Variants in CSMD1 observed in about 807,000 individuals in gnomAD.
CSMD1 encodes the protein CUB and Sushi multiple domains 1.
A neutral mutation model predicts 417.5 loss-of-function variants in CSMD1; 213 were observed. The observed-to-expected ratio is 0.51, with a 90% CI of 0.46 to 0.57. CSMD1 has a LOEUF of 0.57. Ranked by LOEUF, CSMD1 falls within the 20% of genes least tolerant of loss-of-function variation. The pLI, the probability that CSMD1 is intolerant of heterozygous loss-of-function variation, is 0.00. For missense variants in CSMD1, 6,923 were observed against 4,529.7 expected (o/e 1.53, Z -15.17); for synonymous variants, 2,862 against 1,736.8 (o/e 1.65, Z -16.11).
chr8:4,347,251 T>C (rs979725432), intron 3 of CSMD1, among the ~76,000 whole-genome samples: 2 of 152,060 alleles, frequency 1.3e-5, no homozygotes, highest in African/African-American at 4.8e-5. Context: ...GAAACAGACA[T>C]CCACGATTTG....
chr8:4,050,382 T>A (rs559208968), intron 3 of CSMD1, among the ~76,000 whole-genome samples: 2 of 152,196 alleles, frequency 1.3e-5, no homozygotes, highest in Non-Finnish European at 2.9e-5. Flanking sequence ...ATCTACAAAC[T>A]TTTTTAATTT....
chr8:4,954,853 T>G (rs985953749), intron 1 of CSMD1, among the ~76,000 whole-genome samples: 1 of 152,236 alleles, frequency 6.6e-6, no homozygotes, highest in African/African-American at 2.4e-5. Context: ...TTGACAAGAT[T>G]ACACATACTA....
chr8:4,099,161 G>A (rs191243188), intron 3 of CSMD1, among the ~76,000 whole-genome samples: 76 of 150,978 alleles, frequency 5.0e-4, no homozygotes, highest in African/African-American at 1.4e-3. Flanking sequence ...CCATGCATAT[G>A]TCTTATTTAT....
At chr8:3,479,728 G>C (rs910855875) in intron 11 of CSMD1, among the ~76,000 whole-genome samples, 2 of 151,774 alleles carry the variant, frequency 1.3e-5, no homozygotes, top group African/African-American at 2.4e-5. Context: ...ATCACACCAA[G>C]AGCCAAGGAA....
chr8:4,875,177 T>G (rs996289550), intron 1 of CSMD1, among the ~76,000 whole-genome samples: 2 of 151,980 alleles, frequency 1.3e-5, no homozygotes, highest in Admixed American at 1.3e-4. Context: ...GAAAGATTCG[T>G]GTCTCTTTCT....
chr8:4,197,682 C>A (rs565971720), intron 3 of CSMD1, among the ~76,000 whole-genome samples: 1 of 152,128 alleles, frequency 6.6e-6, no homozygotes, highest in Non-Finnish European at 1.5e-5. Flanking sequence ...AGTTTGAGGC[C>A]AGCTTGGCCA....
chr8:2,966,961 G>A (rs147101421), intron 57 of CSMD1, among the ~76,000 whole-genome samples: 16 of 152,158 alleles, frequency 1.1e-4, no homozygotes, highest in African/African-American at 1.7e-4. Context: ...CTTTCAATTC[G>A]TCTTTTCTAA....
chr8:3,760,617 G>C (rs755928884), intron 5 of CSMD1, among the ~76,000 whole-genome samples: 16 of 152,162 alleles, frequency 1.1e-4, no homozygotes, highest in Non-Finnish European at 1.5e-5. Context: ...TGCATTTCGC[G>C]TATGTGACTT....
intron 1 of CSMD1, among the ~76,000 whole-genome samples, chr8:4,853,293 T>G (rs919796384): frequency 1.3e-5 from 2 of 152,078 alleles, no homozygotes; most frequent in Non-Finnish European, 1.5e-5. Context: ...AAGAACAATT[T>G]TATGGGTGAG....
At chr8:4,695,258 T>C (rs1013379203) in intron 1 of CSMD1, among the ~76,000 whole-genome samples, 2 of 152,240 alleles carry the variant, frequency 1.3e-5, no homozygotes, top group Non-Finnish European at 2.9e-5. Flanking sequence ...ACTGCAGTTC[T>C]ACCAAAACCT....
chr8:4,221,571 C>G (rs377288888), intron 3 of CSMD1, among the ~76,000 whole-genome samples: 2 of 152,064 alleles, frequency 1.3e-5, no homozygotes, highest in African/African-American at 2.4e-5. Context: ...AGATGTGTGT[C>G]AAAACATGTG....
At chr8:4,058,285 T>G (rs1164307657) in intron 3 of CSMD1, among the ~76,000 whole-genome samples, 1 of 152,122 alleles carries the variant, frequency 6.6e-6, no homozygotes, top group South Asian at 2.1e-4. Flanking sequence ...TATTTTATTC[T>G]CTTTGAAGCA....
At chr8:4,221,087 A>T (rs760475476) in intron 3 of CSMD1, among the ~76,000 whole-genome samples, 6 of 152,194 alleles carry the variant, frequency 3.9e-5, no homozygotes, top group Admixed American at 6.5e-5. Flanking sequence ...AAATCACTTC[A>T]TTTAAACAAG....
chr8:3,307,835 A>G lies in CSMD1; in HGVS notation c.3824-14T>C. The G allele has an allele frequency of 6.2e-7, 1 of 1,607,318 alleles. No homozygotes were observed. Among genetic ancestry groups the G allele is most frequent in the Non-Finnish European group, 8.5e-7 (1 of 1,177,746 alleles). On this transcript the variant is annotated splice_polypyrimidine_tract_variant and intron_variant, in intron 24 of 69. Coordinates refer to ENST00000635120, the MANE Select transcript of CSMD1 (RefSeq NM_033225.6). ...CACCACATTCCGCTGTAGAAGACAC[A>G]GAGAGATGGGAACGTTCAGCTTCAG...
intron 6 of CSMD1, among the ~76,000 whole-genome samples, chr8:3,720,323 G>C (rs1030322378): frequency 3.3e-5 from 5 of 152,138 alleles, no homozygotes; most frequent in Admixed American, 6.5e-5. Context: ...AGAGAGAGGA[G>C]AAGCTACTGG....
At chr8:4,765,720 G>A (rs1170014427) in intron 1 of CSMD1, among the ~76,000 whole-genome samples, 2 of 152,186 alleles carry the variant, frequency 1.3e-5, no homozygotes, top group East Asian at 1.9e-4. Context: ...AATTGGGCAG[G>A]CATCAAGAGG....
intron 1 of CSMD1, among the ~76,000 whole-genome samples, chr8:4,684,341 C>T (rs900829809): frequency 6.6e-6 from 1 of 152,162 alleles, no homozygotes; most frequent in Admixed American, 6.5e-5. Flanking sequence ...AACATATAAC[C>T]TACCTTCTTG....
Position 2,969,209 on chromosome 8 carries a change from G to C in CSMD1, c.8924-2463C>G, listed in dbSNP as rs567173974. 3.9e-5 allele frequency among the ~76,000 whole-genome samples: 6 copies of C among 152,142 alleles called. 1 individual carries two copies. Among genetic ancestry groups the C allele is most frequent in the Non-Finnish European group, 7.4e-5 (5 of 67,984 alleles). On this transcript the variant is annotated intron_variant, in intron 57 of 69. Coordinates refer to ENST00000635120, the MANE Select transcript of CSMD1 (RefSeq NM_033225.6). ...GCCTAGTGTGAGATCTGATGTATTA[G>C]TGGTAGCAATGAGTTAGCTTGTAGC...
At chr8:3,298,853 A>C (rs1265350415) in intron 25 of CSMD1, among the ~76,000 whole-genome samples, 2 of 152,230 alleles carry the variant, frequency 1.3e-5, no homozygotes, top group African/African-American at 4.8e-5. Context: ...TCAAAGGTCT[A>C]TCCTGAGTCC....
Sources: allele counts gnomAD v4.1 joint callset (sites outside exome capture counted in the v4.1 genomes callset), GRCh38; gene constraint gnomAD v4.1.1; transcripts MANE v1.5; gene names NCBI Gene and HGNC (gene_info 2026-07-23, HGNC 2026-07-21).